Variants in LYPLA1 observed in about 807,000 individuals in gnomAD.
LYPLA1 encodes lysophospholipase 1.
Under a neutral mutation model 34.0 loss-of-function variants are expected in LYPLA1, and 17 were observed. That is an observed-to-expected ratio of 0.50 (90% CI 0.34 to 0.75). LYPLA1 has a LOEUF of 0.75. Ranked by LOEUF, LYPLA1 falls within the 30% of genes least tolerant of loss-of-function variation. The probability of loss-of-function intolerance (pLI) is 0.01; values close to 1 mark genes in which losing one functional copy is unlikely to be tolerated. For synonymous variants in LYPLA1, 98 were observed against 100.8 expected (o/e 0.97, Z 0.17); for missense variants, 203 against 288.8 (o/e 0.70, Z 2.15).
At chr8:54,085,944 C>T (rs907046816) in intron 2 of LYPLA1, among the ~76,000 whole-genome samples, 36 of 152,208 alleles carry the variant, frequency 2.4e-4, no homozygotes, top group African/African-American at 8.7e-4. Context: ...TACCCAACAG[C>T]TCATTGAGAA....
intron 2 of LYPLA1, among the ~76,000 whole-genome samples, chr8:54,080,917 A>G (rs1036658890): frequency 6.6e-6 from 1 of 152,218 alleles, no homozygotes; most frequent in Non-Finnish European, 1.5e-5. Flanking sequence ...GAATTTTAGA[A>G]TTGTTATTAA....
chr8:54,082,510 G>T (rs1231736833), intron 2 of LYPLA1, among the ~76,000 whole-genome samples: 1 of 152,008 alleles, frequency 6.6e-6, no homozygotes, highest in Non-Finnish European at 1.5e-5. Context: ...GTAGAGACAG[G>T]ATCTCACTAT....
In LYPLA1 at chr8:54,046,598, T is replaced by C. The variant is rs1010766201; in HGVS notation, c.*1467A>G. 6.6e-6 allele frequency: 1 copy of C among 152,624 alleles called. No homozygotes were observed. Among genetic ancestry groups the C allele is most frequent in the Non-Finnish European group, 1.5e-5 (1 of 68,006 alleles). 9.5% of individuals were successfully genotyped at this position (152,624 alleles called of 1,614,324 possible). A position where few individuals can be genotyped will look rare whatever the true frequency, so the allele number is the denominator to read the frequency against. On this transcript the variant is annotated 3_prime_UTR_variant, in exon 9 of 9. Transcript: ENST00000316963. ...TCCAGACATAAACATATGGCTTCAT[T>C]ATTAACATCCTGTATAGTCCATTAC...
rs1178291450 is a variant in LYPLA1 at position 54,060,131 on chromosome 8, TC to T, written c.286+2122del. Reference sequence around the variant, plus strand: ...CTGTGCACCTGTGCATTTCTTTCTTTCTTTTTTTCCTGAGACGGAGTTTCAC... The same window carrying T: ...CTGTGCACCTGTGCATTTCTTTCTTTTTTTTTTCCTGAGACGGAGTTTCAC... On this transcript the variant is annotated intron_variant, in intron 5 of 8. Transcript: ENST00000316963. Among the ~76,000 whole-genome samples the T allele has an allele frequency of 2.2e-4, 26 of 119,446 alleles. No individual in the cohort carries two copies. The East Asian group carries it at 9.6e-3, about 44-fold the overall frequency. The allele number at this position is 119,446 out of a possible 152,430, so 78.4% of individuals were successfully genotyped here. A position where few individuals can be genotyped will look rare whatever the true frequency, so the allele number is the denominator to read the frequency against.
At position 54,091,444 on chromosome 8, in the gene LYPLA1, G is replaced by A. The variant is rs189840535; in HGVS notation, c.101+9464C>T. The stretch of plus-strand genomic sequence containing the variant: ...AGAGGTTGCAGTGAGCCGAGATCAC[G>A]CCACTGCACTCTAGCCTGGGCAACA... On this transcript the variant is annotated intron_variant, in intron 2 of 8. Transcript: ENST00000316963. Among the ~76,000 whole-genome samples, 3 of 151,118 alleles carry A rather than the reference G, an allele frequency of 2.0e-5. No homozygotes were observed. The East Asian group carries it at 5.9e-4, about 30-fold the overall frequency.
At chr8:54,096,047 G>A (rs1312478972) in intron 2 of LYPLA1, among the ~76,000 whole-genome samples, 1 of 152,196 alleles carries the variant, frequency 6.6e-6, no homozygotes, top group African/African-American at 2.4e-5. Flanking sequence ...TATACCATCA[G>A]TGTTAACTTC....
chr8:54,101,411 A>C, intron 1 of LYPLA1: 1 of 1,063,130 alleles, frequency 9.4e-7, no homozygotes, highest in South Asian at 4.4e-5. Flanking sequence ...GGTGACAATA[A>C]GGCGATTTCC....
intron 2 of LYPLA1, among the ~76,000 whole-genome samples, chr8:54,081,568 C>T (rs1332030873): frequency 2.0e-5 from 3 of 152,208 alleles, no homozygotes; most frequent in South Asian, 2.1e-4. Flanking sequence ...CTACCTCAGC[C>T]TCCCGAGTAG....
intron 1 of LYPLA1, 68 bp downstream of exon 1, chr8:54,101,687 C>T: frequency 1.6e-6 from 2 of 1,215,868 alleles, no homozygotes; most frequent in Non-Finnish European, 1.0e-6. Context: ...AACGCCCACC[C>T]CGCGCGAGGG....
At chr8:54,068,021 AT>A (rs903203087) in intron 2 of LYPLA1, among the ~76,000 whole-genome samples, 1 of 151,942 alleles carries the variant, frequency 6.6e-6, no homozygotes, top group African/African-American at 2.4e-5. Context: ...CTATTTTTCT[AT>A]TTCAACCCAC....
At chr8:54,075,542 C>T (rs186210165) in intron 2 of LYPLA1, among the ~76,000 whole-genome samples, 13 of 152,088 alleles carry the variant, frequency 8.5e-5, no homozygotes, top group East Asian at 5.8e-4. Context: ...CTGTCACAGA[C>T]GGCAGAAGAA....
At chr8:54,054,143 C>T (rs930759104) in intron 6 of LYPLA1, among the ~76,000 whole-genome samples, 1 of 151,966 alleles carries the variant, frequency 6.6e-6, no homozygotes, top group Non-Finnish European at 1.5e-5. Flanking sequence ...CCACTATGCC[C>T]GGCTAATTTT....
At chr8:54,060,332 T>C (rs536226061) in intron 5 of LYPLA1, among the ~76,000 whole-genome samples, 3 of 152,030 alleles carry the variant, frequency 2.0e-5, no homozygotes, top group Non-Finnish European at 4.4e-5. Context: ...TCCATGTTGG[T>C]CAGCCTGATC....
intron 8 of LYPLA1, among the ~76,000 whole-genome samples, chr8:54,049,032 T>G (rs974059588): frequency 2.0e-5 from 3 of 152,212 alleles, no homozygotes; most frequent in African/African-American, 7.2e-5. Context: ...TTGCACACAT[T>G]AAGGGTTCCA....
rs1439643474 is a variant in LYPLA1, at chr8:54,076,086, C to T, written c.102-10273G>A. Reference sequence around the variant, plus strand: ...CTGGAACCACAGCAGTATAGTGGCACCTCAACCTCAAATGATATGGCCTGC... The same window carrying T: ...CTGGAACCACAGCAGTATAGTGGCATCTCAACCTCAAATGATATGGCCTGC... On this transcript the variant is annotated intron_variant, in intron 2 of 8. Transcript: ENST00000316963. Among the ~76,000 whole-genome samples, 5 of 152,082 alleles carry T rather than the reference C, an allele frequency of 3.3e-5. 1 individual carries two copies. Among genetic ancestry groups the T allele is most frequent in the Admixed American group, 2.0e-4 (3 of 15,276 alleles).
chr8:54,099,420 G>A (rs531821896), intron 2 of LYPLA1, among the ~76,000 whole-genome samples: 18 of 152,184 alleles, frequency 1.2e-4, no homozygotes, highest in Admixed American at 3.3e-4. Context: ...GCTCACGCCT[G>A]TAATCCCAGC....
chr8:54,054,416 C>G (rs952043903), intron 6 of LYPLA1: 3 of 152,296 alleles, frequency 2.0e-5, no homozygotes, highest in Non-Finnish European at 2.9e-5. Flanking sequence ...CTACTGAATT[C>G]TATCTTCTAA....
chr8:54,081,902 G>A (rs151272900), intron 2 of LYPLA1, among the ~76,000 whole-genome samples: 8,469 of 151,842 alleles, frequency 0.056, 776 homozygotes, highest in African/African-American at 0.19. Flanking sequence ...GCTAATTTTT[G>A]TATTTTTAGT....
chr8:54,095,421 GGTGAACATATGGT>G (rs1408237322), intron 2 of LYPLA1, among the ~76,000 whole-genome samples: 22 of 152,112 alleles, frequency 1.4e-4, no homozygotes, highest in African/African-American at 4.6e-4. Context: ...TAAATCCATG[GGTGAACATATGGT>G]GGGGATCAGG....
Sources: gnomAD v4.1 joint callset for allele counts (sites outside exome capture counted in the v4.1 genomes callset) on GRCh38, gnomAD v4.1.1 for gene constraint, MANE v1.5 for transcripts, NCBI Gene and HGNC (gene_info 2026-07-23, HGNC 2026-07-21) for gene names.